The following PSMD12 variants were observed in gnomAD, a reference collection of about 807,000 sequenced individuals.
PSMD12 encodes proteasome 26S subunit, non-ATPase 12.
Under a neutral mutation model 62.9 loss-of-function variants are expected in PSMD12, and 8 were observed. That is an observed-to-expected ratio of 0.13 (90% CI 0.07 to 0.23). The LOEUF is 0.23. PSMD12 is among the 10% of genes least tolerant of loss of function. The probability of loss-of-function intolerance (pLI) is 1.00; values close to 1 mark genes in which losing one functional copy is unlikely to be tolerated. For synonymous variants in PSMD12, 173 were observed against 187.4 expected, an observed-to-expected ratio of 0.92 and a Z score of 0.63; for missense variants, 424 against 550.2, an observed-to-expected ratio of 0.77 and a Z score of 2.29.
Position 67,340,994 on chromosome 17 carries a change from T to C in PSMD12, c.1220A>G (p.Asp407Gly). 6.4e-7 allele frequency: 1 copy of C among 1,563,892 alleles called. No homozygotes were observed. The highest frequency in any genetic ancestry group is 8.6e-7 in the Non-Finnish European group (1 of 1,163,576). ...GAAGTTGATAATTCCTGCTAATCTG[T>C]CTACTTTAGCAAAGATGGTCTTGTT... The part of the protein sequence containing the change: ...VVNKTIFAKV[D>G]RLAGIINFQR... The change falls in exon 11 of 11, where the codon GAC becomes GGC. Residue 407 changes from aspartate (D) to glycine (G), a missense_variant. By Grantham distance (94) the Asp-to-Gly change is moderately conservative. Coordinates refer to ENST00000356126, the MANE Select transcript of PSMD12 (RefSeq NM_002816.5).
intron 9 of PSMD12, 137 bp downstream of exon 9, chr17:67,344,464 CACATA>C: frequency 1.3e-6 from 1 of 782,932 alleles, no homozygotes; most frequent in South Asian, 2.3e-5. Context: ...AAGAATTAAA[CACATA>C]ACATCCTAAA....
At chr17:67,366,295 G>A (rs964753423) in intron 1 of PSMD12, 117 bp downstream of exon 1, 31 of 999,044 alleles carry the variant, frequency 3.1e-5, no homozygotes, top group Non-Finnish European at 4.6e-5. Context: ...CCCAACTAGG[G>A]CTGGACAGGC....
chr17:67,355,970 AC>A (rs1218560565), intron 3 of PSMD12, among the ~76,000 whole-genome samples: 1 of 5,880 alleles, frequency 1.7e-4, no homozygotes. Flanking sequence ...CCCCATTTCT[AC>A]ACACACACAC....
At position 67,338,170 on chromosome 17, in the gene PSMD12, G is replaced by A. The variant is rs1421846742; in HGVS notation, c.*2673C>T. On this transcript the variant is annotated 3_prime_UTR_variant, in exon 11 of 11. Transcript: ENST00000356126. ...ATAAAAAAATTATATGGAAATAAAAGGTATTTCATTTGAAAAATGGCTCAT... is the reference window on the plus strand; with the variant it reads ...ATAAAAAAATTATATGGAAATAAAAAGTATTTCATTTGAAAAATGGCTCAT... 3 of 152,144 alleles carry A rather than the reference G, an allele frequency of 2.0e-5. No homozygotes were observed. The highest frequency in any genetic ancestry group is 4.4e-5 in the Non-Finnish European group (3 of 68,024). The allele number at this position is 152,144 out of a possible 1,614,324, so 9.4% of individuals were successfully genotyped here. A position where few individuals can be genotyped will look rare whatever the true frequency, so the allele number is the denominator to read the frequency against.
chr17:67,341,941 C>T (rs564053714), intron 10 of PSMD12, among the ~76,000 whole-genome samples: 10 of 152,310 alleles, frequency 6.6e-5, no homozygotes, highest in African/African-American at 1.9e-4. Context: ...CTTGGGTTAA[C>T]TCCTCTTTGT....
chr17:67,354,086 C>A lies in PSMD12; in HGVS notation c.297+3217G>T, dbSNP rs189693334. Among the ~76,000 whole-genome samples, 7 of 152,326 alleles carry A rather than the reference C, an allele frequency of 4.6e-5. No individual in the cohort carries two copies. In the East Asian group the frequency reaches 1.3e-3, roughly 29 times the overall value. On this transcript the variant is annotated intron_variant, in intron 3 of 10. Transcript: ENST00000356126. The stretch of plus-strand genomic sequence containing the variant: ...GTCTCTTCACATTCCAAGCACTTTA[C>A]ATAAAAATACGTTTCTCCATTTGGA...
Position 67,352,686 on chromosome 17 carries a change from G to A in PSMD12, c.298-2350C>T, listed in dbSNP as rs561160556. On this transcript the variant is annotated intron_variant, in intron 3 of 10. Coordinates refer to ENST00000356126, the MANE Select transcript of PSMD12 (RefSeq NM_002816.5). ...AACTGTGGTGTGAAAATATTAAATG[G>A]AAAACTCCATGTATAAACAATCTAT... Among the ~76,000 whole-genome samples the A allele has an allele frequency of 3.3e-5, 5 of 152,270 alleles. No individual in the cohort carries two copies. The East Asian group carries it at 5.8e-4, about 18-fold the overall frequency.
chr17:67,350,710 C>T (rs1468258319), intron 3 of PSMD12, among the ~76,000 whole-genome samples: 1 of 152,254 alleles, frequency 6.6e-6, no homozygotes, highest in African/African-American at 2.4e-5. Flanking sequence ...TTCTACCACC[C>T]GGGTGGGAGG....
At chr17:67,364,873 T>TG (rs1209654552) in intron 1 of PSMD12, among the ~76,000 whole-genome samples, 4 of 152,270 alleles carry the variant, frequency 2.6e-5, no homozygotes, top group Non-Finnish European at 5.9e-5. Flanking sequence ...CTCCTTTTCC[T>TG]GGGCAGGTGC....
At chr17:67,341,238 T>C (rs2041912083) in intron 10 of PSMD12, among the ~76,000 whole-genome samples, 186 bp from the exon 11 acceptor site, 1 of 151,858 alleles carries the variant, frequency 6.6e-6, no homozygotes, top group African/African-American at 2.4e-5. Context: ...GGAGGCTGAA[T>C]TGGGTGAATC....
intron 4 of PSMD12, 145 bp downstream of exon 4, chr17:67,350,084 A>C (rs897501206): frequency 4.1e-6 from 2 of 488,846 alleles, no homozygotes; most frequent in African/African-American, 4.0e-5. Context: ...CAAAGACATT[A>C]TTGGTTGAAT....
intron 1 of PSMD12, among the ~76,000 whole-genome samples, chr17:67,364,500 CAT>C (rs1274941666): frequency 6.6e-6 from 1 of 152,210 alleles, no homozygotes; most frequent in Admixed American, 6.5e-5. Context: ...CTGTATTTCT[CAT>C]AGTGTCTAAC....
intron 5 of PSMD12, among the ~76,000 whole-genome samples, chr17:67,348,246 G>C (rs1332419100): frequency 6.6e-6 from 1 of 152,186 alleles, no homozygotes; most frequent in East Asian, 1.9e-4. Flanking sequence ...TCACCAGTAA[G>C]GTACAGGAGT....
chr17:67,338,324 T>C lies in PSMD12; in HGVS notation c.*2519A>G, dbSNP rs976144180. On this transcript the variant is annotated 3_prime_UTR_variant, in exon 11 of 11. Coordinates refer to ENST00000356126, the MANE Select transcript of PSMD12 (RefSeq NM_002816.5). ...GGTCTGAAATGTAAAACAGGATTAA[T>C]TGAGGTTCCGAACAACTCAAATATT... 5 of 152,228 alleles carry C rather than the reference T, an allele frequency of 3.3e-5. No homozygotes were observed. Among genetic ancestry groups the C allele is most frequent in the Admixed American group, 6.5e-5 (1 of 15,280 alleles). The allele number at this position is 152,228 out of a possible 1,614,324, so 9.4% of individuals were successfully genotyped here.
intron 3 of PSMD12, among the ~76,000 whole-genome samples, chr17:67,353,314 CGCT>C (rs1567957145): frequency 6.6e-6 from 1 of 151,464 alleles, no homozygotes; most frequent in African/African-American, 2.4e-5. Flanking sequence ...TCCTTCCCCC[CGCT>C]CCCTCTCTCT....
In PSMD12 at chr17:67,340,781, C is replaced by CA. The variant is rs2041906159; in HGVS notation, c.*61dup. 3.7e-6 allele frequency: 5 copies of CA among 1,340,318 alleles called. No individual in the cohort carries two copies. Among genetic ancestry groups the CA allele is most frequent in the Middle Eastern group, 1.8e-4 (1 of 5,444 alleles). The allele number at this position is 1,340,318 out of a possible 1,614,324, so 83.0% of individuals were successfully genotyped here. ...AGAAAAAAAACCCCAACATATACACCATTATAACAGTCTTTTTTTAATGAC... is the reference window on the plus strand; with the variant it reads ...AGAAAAAAAACCCCAACATATACACCAATTATAACAGTCTTTTTTTAATGAC... On this transcript the variant is annotated 3_prime_UTR_variant, in exon 11 of 11. Coordinates refer to ENST00000356126, the MANE Select transcript of PSMD12 (RefSeq NM_002816.5).
At chr17:67,343,996 G>A (rs1297097904) in intron 9 of PSMD12, among the ~76,000 whole-genome samples, 1 of 152,162 alleles carries the variant, frequency 6.6e-6, no homozygotes, top group Non-Finnish European at 1.5e-5. Flanking sequence ...GAGCCACCAC[G>A]CCCGGCCTAG....
intron 5 of PSMD12, among the ~76,000 whole-genome samples, chr17:67,348,329 A>C (rs1382416809): frequency 3.9e-5 from 6 of 152,220 alleles, no homozygotes; most frequent in Non-Finnish European, 8.8e-5. Flanking sequence ...ATAGGTATGT[A>C]GTGGTACCCC....
chr17:67,342,298 A>G lies in PSMD12; in HGVS notation c.1084-35T>C, dbSNP rs777611041. 3 of 1,368,626 alleles carry G rather than the reference A, an allele frequency of 2.2e-6. No homozygotes were observed. The Admixed American group carries it at 5.5e-5, about 25-fold the overall frequency. The allele number at this position is 1,368,626 out of a possible 1,614,324, so 84.8% of individuals were successfully genotyped here. A position where few individuals can be genotyped will look rare whatever the true frequency, so the allele number is the denominator to read the frequency against. On this transcript the variant is annotated intron_variant, in intron 9 of 10. Transcript: ENST00000356126. ...GGATAGAGAGCAGGGAGAACACGTA[A>G]CATTTGTCAGTAAGTCTAAAAGTCC...
Sources: gnomAD v4.1 joint callset for allele counts (sites outside exome capture counted in the v4.1 genomes callset) on GRCh38, gnomAD v4.1.1 for gene constraint, MANE v1.5 for transcripts, NCBI Gene and HGNC (gene_info 2026-07-23, HGNC 2026-07-21) for gene names.